PRMT7: variants seen among roughly 807,000 people sequenced by gnomAD.
PRMT7 encodes the protein protein arginine methyltransferase 7.
Under a neutral mutation model 85.4 loss-of-function variants are expected in PRMT7, and 75 were observed. The ratio of observed to expected loss-of-function variants is 0.88; its 90% CI spans 0.73 to 1.06. The LOEUF (loss-of-function observed/expected upper bound fraction) is 1.06. Among genes scored for constraint, PRMT7 ranks in the 50% least tolerant of loss-of-function variants. The probability of loss-of-function intolerance (pLI) is 0.00; values close to 1 mark genes in which losing one functional copy is unlikely to be tolerated. For missense variants in PRMT7, 868 were observed against 915.2 expected, an observed-to-expected ratio of 0.95 and a Z score of 0.67; for synonymous variants, 397 against 359.5, an observed-to-expected ratio of 1.10 and a Z score of -1.18.
Position 68,357,147 on chromosome 16 carries a change from G to A in PRMT7, c.2002G>A (p.Val668Ile), listed in dbSNP as rs756918847. ...PRALLGGPRT[V>I]SYAVEFHPDT... Reference sequence around the variant, plus strand: ...AGCACTGCTGGGTGGCCCACGGACTGTCAGCTATGCAGTGGAGTTTCACCC... The same window carrying A: ...AGCACTGCTGGGTGGCCCACGGACTATCAGCTATGCAGTGGAGTTTCACCC... Residue 668 changes from valine to isoleucine, a missense_variant, in exon 19 of 19, where the codon GTC (valine) becomes ATC (isoleucine). Coordinates refer to ENST00000441236, the MANE Select transcript of PRMT7 (RefSeq NM_019023.5). 1.9e-6 allele frequency: 3 copies of A among 1,614,036 alleles called. No individual in the cohort carries two copies. The highest frequency in any genetic ancestry group is 1.1e-5 in the South Asian group (1 of 91,088).
chr16:68,339,922 G>A lies in PRMT7; in HGVS notation c.881G>A (p.Cys294Tyr). Reference protein sequence around the residue: ...IEMDPEGKIKCTMAPFWAHSD... With the variant: ...IEMDPEGKIKYTMAPFWAHSD... ...ATGGACCCTGAGGGGAAGATCAAGTGCACCATGGCCCCCTTCTGGGCACAC... is the reference window on the plus strand; with the variant it reads ...ATGGACCCTGAGGGGAAGATCAAGTACACCATGGCCCCCTTCTGGGCACAC... Residue 294 changes from cysteine (C) to tyrosine (Y), a missense_variant, in exon 9 of 19, where the codon TGC (cysteine) becomes TAC (tyrosine). By Grantham distance (194) the Cys-to-Tyr change is radical. Coordinates refer to ENST00000441236, the MANE Select transcript of PRMT7 (RefSeq NM_019023.5). The A allele has an allele frequency of 6.2e-7, 1 of 1,614,150 alleles. No homozygotes were observed. The highest frequency in any genetic ancestry group is 1.1e-5 in the South Asian group (1 of 91,072).
At chr16:68,324,401 T>C (rs982831794) in intron 4 of PRMT7, 18 of 445,586 alleles carry the variant, frequency 4.0e-5, no homozygotes, top group Non-Finnish European at 6.9e-5. Flanking sequence ...CTTTTGGCTG[T>C]ACCTAACAGT....
In PRMT7 at chr16:68,348,329, T is replaced by C; in HGVS notation, c.1324-13T>C. The stretch of plus-strand genomic sequence containing the variant: ...TAGTATGAATACAGTAATTTTACGG[T>C]TTTCTTTCTAAGATCTTCAAGGCTA... On this transcript the variant is annotated splice_polypyrimidine_tract_variant and intron_variant, in intron 13 of 18. Transcript: ENST00000441236. 1 of 1,575,354 alleles carries C rather than the reference T, an allele frequency of 6.3e-7. No individual in the cohort carries two copies. The highest frequency in any genetic ancestry group is 8.7e-7 in the Non-Finnish European group (1 of 1,146,256).
intron 6 of PRMT7, among the ~76,000 whole-genome samples, chr16:68,334,226 G>A (rs1014498150): frequency 4.6e-5 from 7 of 152,166 alleles, no homozygotes; most frequent in Non-Finnish European, 1.0e-4. Context: ...TATTTGCTCC[G>A]GGCCTGTCAT....
chr16:68,353,288 G>A, intron 15 of PRMT7: 1 of 1,146,584 alleles, frequency 8.7e-7, no homozygotes, highest in Non-Finnish European at 1.2e-6. Context: ...AGAGGACTCA[G>A]GTGTCACGTC....
Position 68,321,410 on chromosome 16 carries a change from CTTTT to C in PRMT7, c.96-13_96-10del. 1 of 1,599,726 alleles carries C rather than the reference CTTTT, an allele frequency of 6.3e-7. No homozygotes were observed. On this transcript the variant is annotated splice_polypyrimidine_tract_variant and intron_variant, in intron 3 of 18. Transcript: ENST00000441236. ...ATGTGTATCATGCAAAGGTTACTGA[CTTTT>C]TTGTTTTTTAGGTCATCTTATGCAG...
rs546413487 is a variant in PRMT7 at position 68,357,686 on chromosome 16, T to C, written c.*462T>C. ...GCTTCTGCTAGGAGGGTGGAGATGC[T>C]GAGTTGTGGCTGGGTCTCTGGGGCT... On this transcript the variant is annotated 3_prime_UTR_variant, in exon 19 of 19. Coordinates refer to ENST00000441236, the MANE Select transcript of PRMT7 (RefSeq NM_019023.5). 0.025 allele frequency: 449 copies of C among 17,616 alleles called. No homozygotes were observed. The highest frequency in any genetic ancestry group is 0.031 in the Non-Finnish European group (325 of 10,586). The allele number at this position is 17,616 out of a possible 1,614,324, so 1.1% of individuals were successfully genotyped here. A position where few individuals can be genotyped will look rare whatever the true frequency, so the allele number is the denominator to read the frequency against.
At position 68,356,826 on chromosome 16, in the gene PRMT7, C is replaced by T. The variant is rs376311917; in HGVS notation, c.1908+29C>T. 2.8e-5 allele frequency: 44 copies of T among 1,581,630 alleles called. No homozygotes were observed. The African/African-American group carries it at 3.9e-4, about 14-fold the overall frequency. ...GTGCCTGCGCACCGGGCCCAGTGTG[C>T]GTGCAGACCCTGAGAGCAGGCGCCG... is the stretch of plus-strand genomic sequence containing the variant. On this transcript the variant is annotated intron_variant, in intron 18 of 18. Transcript: ENST00000441236.
intron 15 of PRMT7, 32 bp from the exon 16 acceptor site, chr16:68,353,460 C>G: frequency 6.2e-7 from 1 of 1,609,572 alleles, no homozygotes; most frequent in Non-Finnish European, 8.5e-7. Context: ...TCCTGGCGGG[C>G]GGGTGTGGAC....
At position 68,357,644 on chromosome 16, in the gene PRMT7, G is replaced by A. The variant is rs144128271; in HGVS notation, c.*420G>A. 0.059 allele frequency: 3,766 copies of A among 64,128 alleles called. 91 individuals are homozygous for A. Among genetic ancestry groups the A allele is most frequent in the Non-Finnish European group, 0.062 (2,213 of 35,666 alleles). 4.0% of individuals were successfully genotyped at this position (64,128 alleles called of 1,614,324 possible). On this transcript the variant is annotated 3_prime_UTR_variant, in exon 19 of 19. Transcript: ENST00000441236. The stretch of plus-strand genomic sequence containing the variant: ...GTCTGTCTCACTCTCGAGGATCTCC[G>A]GGTCCCTGCTCTTCTGGCTTCTGCT...
In PRMT7 at chr16:68,348,322, T is replaced by G. The variant is rs2086715152; in HGVS notation, c.1324-20T>G. The stretch of plus-strand genomic sequence containing the variant: ...AATACTTTAGTATGAATACAGTAAT[T>G]TTACGGTTTTCTTTCTAAGATCTTC... On this transcript the variant is annotated intron_variant, in intron 13 of 18. Coordinates refer to ENST00000441236, the MANE Select transcript of PRMT7 (RefSeq NM_019023.5). 6.4e-7 allele frequency: 1 copy of G among 1,550,484 alleles called. No individual in the cohort carries two copies.
chr16:68,331,509 C>A (rs559913216), intron 6 of PRMT7, among the ~76,000 whole-genome samples: 1 of 150,532 alleles, frequency 6.6e-6, no homozygotes, highest in South Asian at 2.1e-4. Context: ...GACCTGTCCC[C>A]CAGGCTGGAG....
In PRMT7 at chr16:68,357,925, C is replaced by T. The variant is rs2088888705; in HGVS notation, c.*701C>T. The T allele has an allele frequency of 6.6e-6, 1 of 152,348 alleles. No homozygotes were observed. Among genetic ancestry groups the T allele is most frequent in the African/African-American group, 2.4e-5 (1 of 41,452 alleles). The allele number at this position is 152,348 out of a possible 1,614,324, so 9.4% of individuals were successfully genotyped here. A position where few individuals can be genotyped will look rare whatever the true frequency, so the allele number is the denominator to read the frequency against. On this transcript the variant is annotated 3_prime_UTR_variant, in exon 19 of 19. Transcript: ENST00000441236. ...CTGTCAGGGGAGCTGGGAGGCAGCC[C>T]TGTTCCCTGCACCTCCCTCAGATTG...
chr16:68,347,225 C>T lies in PRMT7; in HGVS notation c.1206C>T (p.Asp402=), dbSNP rs952290677. 6.4e-7 allele frequency: 1 copy of T among 1,552,778 alleles called. No individual in the cohort carries two copies. Among genetic ancestry groups the T allele is most frequent in the East Asian group, 2.4e-5 (1 of 41,306 alleles). Residue 402 remains aspartate, a synonymous_variant, in exon 12 of 19, where the codon GAC becomes GAT. Coordinates refer to ENST00000441236, the MANE Select transcript of PRMT7 (RefSeq NM_019023.5). ...VQALRTVLKP[D]SVCLCVSDGS... ...GTTCCCCGCAGGTGCTGAAGCCAGACAGCGTGTGCCTGTGTGTCAGCGATG... is the reference window on the plus strand; with the variant it reads ...GTTCCCCGCAGGTGCTGAAGCCAGATAGCGTGTGCCTGTGTGTCAGCGATG...
intron 6 of PRMT7, among the ~76,000 whole-genome samples, chr16:68,332,686 C>T (rs1186469695): frequency 6.6e-6 from 1 of 152,180 alleles, no homozygotes; most frequent in Non-Finnish European, 1.5e-5. Context: ...CTCTGATTCT[C>T]TGCCTGGCAA....
intron 17 of PRMT7, among the ~76,000 whole-genome samples, chr16:68,356,238 T>G (rs911820807): frequency 3.9e-5 from 6 of 152,350 alleles, no homozygotes; most frequent in Admixed American, 3.9e-4. Flanking sequence ...AAGTGCTGCT[T>G]GCGTCCAGGG....
At chr16:68,319,709 A>AGTGTGTGTGTGTGTGTGTGTGTGT (rs750593103) in intron 3 of PRMT7, among the ~76,000 whole-genome samples, 3 of 41,908 alleles carry the variant, frequency 7.2e-5, no homozygotes, top group African/African-American at 3.4e-4. Flanking sequence ...AATAAGAGTG[A>AGTGTGTGTGTGTGTGTGTGTGTGT]GAGTGTGTGT....
At chr16:68,331,698 T>G (rs2083933206) in intron 6 of PRMT7, among the ~76,000 whole-genome samples, 2 of 152,290 alleles carry the variant, frequency 1.3e-5, no homozygotes, top group South Asian at 4.1e-4. Context: ...GGTCTCAAAC[T>G]CCTGGGCTCA....
chr16:68,349,651 C>T (rs946521490), intron 14 of PRMT7, among the ~76,000 whole-genome samples: 12 of 152,190 alleles, frequency 7.9e-5, no homozygotes, highest in Non-Finnish European at 1.2e-4. Flanking sequence ...CCCAGAACTT[C>T]GGAAGGCCAA....
Sources: allele counts gnomAD v4.1 joint callset (sites outside exome capture counted in the v4.1 genomes callset), GRCh38; gene constraint gnomAD v4.1.1; transcripts MANE v1.5; gene names NCBI Gene and HGNC (gene_info 2026-07-23, HGNC 2026-07-21).